The following PTPN11 variants were observed in gnomAD, a reference collection of about 807,000 sequenced individuals.
PTPN11 encodes tyrosine-protein phosphatase non-receptor type 11.
In PTPN11, 6 loss-of-function variants were observed where a neutral mutation model predicts 78.8. The observed-to-expected ratio is 0.08, with a 90% CI of 0.04 to 0.15. The LOEUF (loss-of-function observed/expected upper bound fraction) is 0.15. Among genes scored for constraint, PTPN11 ranks in the 10% least tolerant of loss-of-function variants. The pLI is 1.00. For synonymous variants in PTPN11, 221 were observed against 263.5 expected, an observed-to-expected ratio of 0.84 and a Z score of 1.56; for missense variants, 386 against 744.8, an observed-to-expected ratio of 0.52 and a Z score of 5.61.
At chr12:112,503,971 G>A (rs1470009747) in intron 14 of PTPN11, among the ~76,000 whole-genome samples, 1 of 152,062 alleles carries the variant, frequency 6.6e-6, no homozygotes, top group South Asian at 2.1e-4. Context: ...CCTGAGCTGG[G>A]GCTAAATAGA....
At chr12:112,431,395 TA>T (rs1218829938) in intron 1 of PTPN11, among the ~76,000 whole-genome samples, 1 of 152,108 alleles carries the variant, frequency 6.6e-6, no homozygotes, top group African/African-American at 2.4e-5. Flanking sequence ...ACCCTATCTC[TA>T]AAAAACAATA....
At position 112,474,354 on chromosome 12, in the gene PTPN11, C is replaced by T. The variant is rs1205368808; in HGVS notation, c.853+1314C>T. ...CTCCAGGCTGGGCGACAGAGTGAGA[C>T]TCTGTCTCAAAACAAAAAACGATTT... On this transcript the variant is annotated intron_variant, in intron 7 of 15. Transcript: ENST00000351677. 2.6e-5 allele frequency among the ~76,000 whole-genome samples: 4 copies of T among 152,192 alleles called. No homozygotes were observed. The South Asian group carries it at 6.2e-4, about 24-fold the overall frequency.
At chr12:112,449,218 A>C (rs1434433784) in intron 2 of PTPN11, among the ~76,000 whole-genome samples, 2 of 144,986 alleles carry the variant, frequency 1.4e-5, no homozygotes, top group Non-Finnish European at 3.0e-5. Flanking sequence ...ATTGCTGCAT[A>C]GTGGCCGGGC....
chr12:112,501,497 C>T (rs2135928185), intron 13 of PTPN11, among the ~76,000 whole-genome samples: 1 of 152,134 alleles, frequency 6.6e-6, no homozygotes, highest in East Asian at 1.9e-4. Flanking sequence ...TGGTGGTGGG[C>T]ACCTGTAATC....
intron 1 of PTPN11, among the ~76,000 whole-genome samples, chr12:112,432,012 A>G (rs1211886498): frequency 6.6e-6 from 1 of 152,176 alleles, no homozygotes; most frequent in African/African-American, 2.4e-5. Context: ...AGCTCCTACA[A>G]ATCAGTAAGA....
At chr12:112,449,780 G>T (rs182224722) in intron 2 of PTPN11, among the ~76,000 whole-genome samples, 1 of 151,806 alleles carries the variant, frequency 6.6e-6, no homozygotes, top group African/African-American at 2.4e-5. Flanking sequence ...AGATATACAA[G>T]GTAGGCCGGG....
chr12:112,503,922 C>G (rs1446717754), intron 14 of PTPN11, among the ~76,000 whole-genome samples: 1 of 152,202 alleles, frequency 6.6e-6, no homozygotes, highest in South Asian at 2.1e-4. Context: ...CTTTGGCCCT[C>G]TGTCCTAGGC....
At chr12:112,446,008 C>T (rs1242123721) in intron 1 of PTPN11, among the ~76,000 whole-genome samples, 1 of 152,046 alleles carries the variant, frequency 6.6e-6, no homozygotes, top group African/African-American at 2.4e-5. Context: ...TTGGGCCTGG[C>T]CCCCTCAGTG....
intron 6 of PTPN11, among the ~76,000 whole-genome samples, chr12:112,465,114 G>A (rs2135884394): frequency 6.6e-6 from 1 of 152,236 alleles, no homozygotes; most frequent in East Asian, 1.9e-4. Flanking sequence ...ATTGTGGCGA[G>A]GTGCATATTG....
intron 13 of PTPN11, among the ~76,000 whole-genome samples, chr12:112,493,663 A>T (rs2038782234): frequency 6.6e-6 from 1 of 152,146 alleles, no homozygotes; most frequent in Non-Finnish European, 1.5e-5. Flanking sequence ...TACTGAGATT[A>T]CAGGCATGAG....
In PTPN11 at chr12:112,504,812, T is replaced by A. The variant is rs1471287834; in HGVS notation, c.*32+16T>A. The A allele has an allele frequency of 7.1e-7, 1 of 1,411,274 alleles. No homozygotes were observed. The highest frequency in any genetic ancestry group is 1.0e-6 in the Non-Finnish European group (1 of 998,076). The allele number at this position is 1,411,274 out of a possible 1,614,324, so 87.4% of individuals were successfully genotyped here. A position where few individuals can be genotyped will look rare whatever the true frequency, so the allele number is the denominator to read the frequency against. On this transcript the variant is annotated intron_variant, in intron 15 of 15. Coordinates refer to ENST00000351677, the MANE Select transcript of PTPN11 (RefSeq NM_002834.5). The surrounding 1 kb of genome is among the most constrained non-coding windows in gnomAD (Gnocchi z 4.7). ...ACAGAAATAGGTATTTAAATGCAAG[T>A]GCTCTATTGGTTAATTGTTTATATA...
intron 1 of PTPN11, 34 bp from the exon 2 acceptor site, chr12:112,446,242 T>G: frequency 1.9e-6 from 3 of 1,612,752 alleles, no homozygotes; most frequent in Non-Finnish European, 2.5e-6. Flanking sequence ...CAGTGTCTTG[T>G]TTTTTTATTA....
At chr12:112,438,854 G>A (rs971234857) in intron 1 of PTPN11, among the ~76,000 whole-genome samples, 3 of 151,972 alleles carry the variant, frequency 2.0e-5, no homozygotes, top group Admixed American at 1.3e-4. Flanking sequence ...TGAACACCTG[G>A]CCTTAAGCAA....
intron 1 of PTPN11, among the ~76,000 whole-genome samples, chr12:112,438,553 C>T (rs543685968): frequency 2.2e-4 from 34 of 152,140 alleles, no homozygotes; most frequent in African/African-American, 7.5e-4. Flanking sequence ...GCAATCTCGG[C>T]TCACTGCAAC....
chr12:112,440,197 A>C (rs1288953739), intron 1 of PTPN11, among the ~76,000 whole-genome samples: 1 of 152,218 alleles, frequency 6.6e-6, no homozygotes, highest in African/African-American at 2.4e-5. Context: ...TCTGAATGCA[A>C]AAGTATTGGA....
chr12:112,446,868 C>T (rs541723987), intron 2 of PTPN11, among the ~76,000 whole-genome samples: 1 of 150,698 alleles, frequency 6.6e-6, no homozygotes, highest in South Asian at 2.1e-4. Context: ...GCCACTATGC[C>T]TGGCCTTCTT....
intron 2 of PTPN11, among the ~76,000 whole-genome samples, chr12:112,447,832 GCT>G (rs1178803537): frequency 4.3e-5 from 5 of 117,640 alleles, no homozygotes; most frequent in Non-Finnish European, 8.5e-5. Flanking sequence ...ACAAAGTCTT[GCT>G]CTTTTTCCCA....
chr12:112,489,248 CAGG>C (rs1199436082), intron 13 of PTPN11, 73 bp downstream of exon 13: 3 of 1,541,346 alleles, frequency 1.9e-6, no homozygotes, highest in South Asian at 1.1e-5. Context: ...TCCTTTTGAG[CAGG>C]AGGACAGGCT....
intron 11 of PTPN11, among the ~76,000 whole-genome samples, chr12:112,487,558 G>A (rs1049375663): frequency 2.0e-5 from 3 of 152,148 alleles, no homozygotes; most frequent in Non-Finnish European, 4.4e-5. Context: ...TCTGTAATGA[G>A]TCTGTGGGCT....
Sources: gnomAD v4.1 joint callset for allele counts (sites outside exome capture counted in the v4.1 genomes callset) on GRCh38, gnomAD v4.1.1 for gene constraint, Gnocchi (gnomAD v3.1) non-coding constraint, MANE v1.5 for transcripts, NCBI Gene and HGNC (gene_info 2026-07-23, HGNC 2026-07-21) for gene names.